TANC2: variants seen among roughly 807,000 people sequenced by gnomAD.
TANC2 encodes the protein protein TANC2.
TANC2 carries 26 observed loss-of-function variants against 210.5 expected under a neutral mutation model. The ratio of observed to expected loss-of-function variants is 0.12; its 90% CI spans 0.09 to 0.17. The LOEUF is 0.17. Among genes scored for constraint, TANC2 ranks in the 10% least tolerant of loss-of-function variants. The pLI, the probability that TANC2 is intolerant of heterozygous loss-of-function variation, is 1.00. For synonymous variants in TANC2, 931 were observed against 967.1 expected (o/e 0.96, Z 0.69); for missense variants, 2,129 against 2,608.9 (o/e 0.82, Z 4.01).
At chr17:63,395,985 A>G in intron 18 of TANC2, 57 bp downstream of exon 18, 2 of 1,486,494 alleles carry the variant, frequency 1.3e-6, no homozygotes, top group South Asian at 2.7e-5. Flanking sequence ...GACCCAGGAA[A>G]CCAGGAGAAA....
intron 5 of TANC2, among the ~76,000 whole-genome samples, chr17:63,167,979 C>G (rs563393466): frequency 1.1e-3 from 171 of 151,812 alleles, no homozygotes; most frequent in Non-Finnish European, 1.6e-3. Flanking sequence ...CATTCTATAC[C>G]CTAAAGCTAG....
At chr17:63,347,210 A>G (rs1028102193) in intron 12 of TANC2, among the ~76,000 whole-genome samples, 4 of 152,354 alleles carry the variant, frequency 2.6e-5, no homozygotes, top group Admixed American at 2.6e-4. Context: ...CATTCATTCA[A>G]TTGAATACTT....
intron 3 of TANC2, among the ~76,000 whole-genome samples, chr17:63,095,463 G>A (rs2037353112): frequency 6.6e-6 from 1 of 152,118 alleles, no homozygotes; most frequent in African/African-American, 2.4e-5. Flanking sequence ...GGGCCACTGT[G>A]CCCAGCCTTG....
chr17:63,228,516 T>A (rs1400955375), intron 7 of TANC2, among the ~76,000 whole-genome samples: 1 of 152,218 alleles, frequency 6.6e-6, no homozygotes, highest in Non-Finnish European at 1.5e-5. Flanking sequence ...TAAATTACTT[T>A]GGGCAGTATG....
chr17:63,395,648 TTAG>T (rs1247441713), intron 17 of TANC2, 92 bp from the exon 18 acceptor site: 17 of 1,158,850 alleles, frequency 1.5e-5, no homozygotes, highest in African/African-American at 4.6e-5. Flanking sequence ...AGGATGATTC[TTAG>T]TAGCCTAGGC....
intron 15 of TANC2, among the ~76,000 whole-genome samples, chr17:63,384,477 T>A (rs568154099): frequency 6.6e-5 from 10 of 152,104 alleles, no homozygotes; most frequent in Non-Finnish European, 1.0e-4. Flanking sequence ...TACACACATA[T>A]ATATATTTGG....
chr17:63,083,658 C>T (rs1209527144), intron 3 of TANC2, among the ~76,000 whole-genome samples: 1 of 152,158 alleles, frequency 6.6e-6, no homozygotes, highest in Non-Finnish European at 1.5e-5. Flanking sequence ...TGCTCCTTCC[C>T]CAGTCTGCCT....
At chr17:63,023,907 A>G (rs1055807513) in intron 2 of TANC2, among the ~76,000 whole-genome samples, 3 of 152,202 alleles carry the variant, frequency 2.0e-5, no homozygotes, top group Admixed American at 1.3e-4. Context: ...ATATTCCACA[A>G]ATTTGTAGCA....
chr17:63,090,861 C>T (rs569134337), intron 3 of TANC2, among the ~76,000 whole-genome samples: 10 of 152,308 alleles, frequency 6.6e-5, no homozygotes, highest in Non-Finnish European at 5.9e-5. Flanking sequence ...ACATCCTCTC[C>T]AGCACCTGTT....
At chr17:63,376,286 A>AG (rs1485748078) in intron 14 of TANC2, among the ~76,000 whole-genome samples, 1 of 150,960 alleles carries the variant, frequency 6.6e-6, no homozygotes, top group South Asian at 2.1e-4. Context: ...TACAAAAAAA[A>AG]AAAAAAATTA....
chr17:63,082,908 T>C (rs2144731464), intron 3 of TANC2, among the ~76,000 whole-genome samples: 1 of 152,306 alleles, frequency 6.6e-6, no homozygotes, highest in Non-Finnish European at 1.5e-5. Flanking sequence ...ACATGGGGCA[T>C]AGATTACTTC....
intron 2 of TANC2, among the ~76,000 whole-genome samples, chr17:63,010,855 A>C (rs1001371637): frequency 2.0e-5 from 3 of 152,196 alleles, no homozygotes; most frequent in Admixed American, 2.0e-4. Flanking sequence ...CTGGGCTTCC[A>C]TGCCCTTTTT....
intron 1 of TANC2, among the ~76,000 whole-genome samples, chr17:63,003,837 A>G (rs1439138293): frequency 3.3e-5 from 5 of 151,980 alleles, no homozygotes; most frequent in Non-Finnish European, 7.4e-5. Context: ...GTTGCTTTCT[A>G]TGTTCCTAAG....
chr17:63,374,272 G>A (rs992563656), intron 14 of TANC2, among the ~76,000 whole-genome samples: 1 of 151,918 alleles, frequency 6.6e-6, no homozygotes, highest in African/African-American at 2.4e-5. Flanking sequence ...TCCTGGACTC[G>A]AGCGACCCTC....
intron 2 of TANC2, among the ~76,000 whole-genome samples, chr17:63,018,559 A>G (rs978987927): frequency 6.6e-6 from 1 of 152,156 alleles, no homozygotes; most frequent in Admixed American, 6.5e-5. Context: ...GATCTTGTGT[A>G]TATTTGGGTT....
intron 3 of TANC2, among the ~76,000 whole-genome samples, chr17:63,096,093 G>A (rs747950812): frequency 2.6e-5 from 4 of 152,056 alleles, no homozygotes; most frequent in Non-Finnish European, 5.9e-5. Flanking sequence ...CTAATGGCAT[G>A]CCTCTTTGTT....
intron 7 of TANC2, among the ~76,000 whole-genome samples, chr17:63,213,630 A>G (rs2145883554): frequency 6.6e-6 from 1 of 152,346 alleles, no homozygotes; most frequent in South Asian, 2.1e-4. Flanking sequence ...ACATTTAGAA[A>G]TAATTATAAA....
chr17:63,080,516 G>A (rs79761644), intron 3 of TANC2, among the ~76,000 whole-genome samples: 4,487 of 152,262 alleles, frequency 0.029, 82 homozygotes, highest in South Asian at 0.037. Flanking sequence ...GGACGATGTG[G>A]CTTTGCATGA....
At chr17:63,220,394 T>C (rs974866190) in intron 7 of TANC2, among the ~76,000 whole-genome samples, 3 of 152,016 alleles carry the variant, frequency 2.0e-5, no homozygotes, top group Middle Eastern at 3.4e-3. Context: ...GCTATTTTTT[T>C]CAGCAAATAT....
Sources: gnomAD v4.1 joint callset for allele counts (sites outside exome capture counted in the v4.1 genomes callset) on GRCh38, gnomAD v4.1.1 for gene constraint, MANE v1.5 for transcripts, NCBI Gene and HGNC (gene_info 2026-07-23, HGNC 2026-07-21) for gene names.